The following ATP10B variants were observed in gnomAD, a reference collection of about 807,000 sequenced individuals.
ATP10B encodes the protein phospholipid-transporting ATPase VB.
Under a neutral mutation model 141.2 loss-of-function variants are expected in ATP10B, and 122 were observed. The ratio of observed to expected loss-of-function variants is 0.86; its 90% CI spans 0.75 to 1.00. The LOEUF is 1.00. Among genes scored for constraint, ATP10B ranks in the 50% least tolerant of loss-of-function variants. The pLI is 0.00. For missense variants in ATP10B, 1,876 were observed against 1,825.3 expected, an observed-to-expected ratio of 1.03 and a Z score of -0.51; for synonymous variants, 685 against 692.0, an observed-to-expected ratio of 0.99 and a Z score of 0.16.
the ATP10B span, among the ~76,000 whole-genome samples, chr5:160,876,583 T>C: frequency 2.0e-5 from 3 of 150,302 alleles, no homozygotes; most frequent in Non-Finnish European, 3.0e-5. Context: ...TTCAAAAAAT[T>C]AATGAATCCA....
At chr5:160,743,741 A>G (rs1581449794) in intron 2 of ATP10B, among the ~76,000 whole-genome samples, 2 of 152,220 alleles carry the variant, frequency 1.3e-5, no homozygotes, top group Admixed American at 6.5e-5. Flanking sequence ...TTATAAGACT[A>G]TAGCTAAATA....
At chr5:160,899,935 T>C in the ATP10B span, among the ~76,000 whole-genome samples, 2 of 152,250 alleles carry the variant, frequency 1.3e-5, no homozygotes, top group Non-Finnish European at 2.9e-5. Flanking sequence ...CTCCCTTCCC[T>C]GGTGGAGCAG....
At chr5:160,594,200 C>G (rs893127763) in intron 22 of ATP10B, among the ~76,000 whole-genome samples, 1 of 152,334 alleles carries the variant, frequency 6.6e-6, no homozygotes, top group East Asian at 1.9e-4. Flanking sequence ...TCAGCAGAAA[C>G]TCCACAAGCC....
In ATP10B at chr5:160,828,740, A is replaced by G. The variant is rs944147417; in HGVS notation, c.-576+23201T>C. On this transcript the variant is annotated intron_variant, in intron 1 of 25. Transcript: ENST00000327245. ...CCAAAGGACTATAAATCATGCTGCT[A>G]TAAAGACACATGCACACGTATGTTT... Among the ~76,000 whole-genome samples, 613 of 152,116 alleles carry G rather than the reference A, an allele frequency of 4.0e-3. 4 individuals are homozygous for G. Among genetic ancestry groups the G allele is most frequent in the African/African-American group, 0.014 (569 of 41,450 alleles).
chr5:160,864,882 G>A, the ATP10B span, among the ~76,000 whole-genome samples: 3 of 151,844 alleles, frequency 2.0e-5, no homozygotes, highest in Non-Finnish European at 2.9e-5. Context: ...GAGGTGAAAG[G>A]TTTCTGCAAG....
rs1240385774 is a variant in ATP10B, at chr5:160,634,413, TTC to T, written c.1320_1321del (p.Asn441GlnfsTer21). On this transcript the variant is annotated frameshift_variant, in exon 12 of 26. Transcript: ENST00000327245. LOFTEE classifies it high-confidence loss of function. ...GGTGCAACGTCGGAACACCATCTTG[TTC>T]TCTGTCAGGGTCCCCGTCTTATCGG... 6.2e-7 allele frequency: 1 copy of T among 1,614,086 alleles called. No individual in the cohort carries two copies.
chr5:160,620,301 A>T (rs779058935), intron 15 of ATP10B, 46 bp downstream of exon 15: 1 of 1,542,130 alleles, frequency 6.5e-7, no homozygotes, highest in Non-Finnish European at 8.7e-7. Flanking sequence ...TGCTTCTTAA[A>T]CTATAGAACT....
At chr5:160,730,547 T>G (rs1331115122) in intron 2 of ATP10B, among the ~76,000 whole-genome samples, 10 of 152,040 alleles carry the variant, frequency 6.6e-5, no homozygotes, top group Admixed American at 5.2e-4. Flanking sequence ...AATGAGATGC[T>G]GGGAAAAATC....
chr5:160,805,638 C>T (rs1043484180), intron 1 of ATP10B, among the ~76,000 whole-genome samples: 4 of 151,922 alleles, frequency 2.6e-5, no homozygotes, highest in Non-Finnish European at 5.9e-5. Flanking sequence ...TGCCAGGGCC[C>T]CAGGTACAGT....
chr5:160,792,945 T>C (rs933158426), intron 1 of ATP10B, among the ~76,000 whole-genome samples: 1 of 152,156 alleles, frequency 6.6e-6, no homozygotes, highest in Admixed American at 6.5e-5. Flanking sequence ...TCAGAGCACT[T>C]GATGGAGGTG....
intron 3 of ATP10B, among the ~76,000 whole-genome samples, chr5:160,703,322 T>C (rs1764783409): frequency 6.6e-6 from 1 of 152,214 alleles, no homozygotes; most frequent in South Asian, 2.1e-4. Flanking sequence ...CTATGTTTTA[T>C]ACTATACTGT....
At chr5:160,719,128 C>T (rs1167038096) in intron 2 of ATP10B, among the ~76,000 whole-genome samples, 5 of 152,148 alleles carry the variant, frequency 3.3e-5, no homozygotes, top group African/African-American at 1.2e-4. Flanking sequence ...CGGCCGGGCA[C>T]GGTGGCTCAC....
chr5:160,688,268 C>T (rs748289386), intron 4 of ATP10B, among the ~76,000 whole-genome samples, 174 bp from the exon 5 acceptor site: 1 of 152,070 alleles, frequency 6.6e-6, no homozygotes, highest in Non-Finnish European at 1.5e-5. Context: ...CCCTGTTGTT[C>T]CTAAAGATAG....
chr5:160,824,091 G>A (rs1047238100), intron 1 of ATP10B, among the ~76,000 whole-genome samples: 2 of 151,828 alleles, frequency 1.3e-5, no homozygotes, highest in South Asian at 2.1e-4. Flanking sequence ...ACGTGATCTC[G>A]GCTTACTGCA....
Position 160,611,224 on chromosome 5 carries a change from T to C in ATP10B, c.2838+1517A>G, listed in dbSNP as rs17058048. On this transcript the variant is annotated intron_variant, in intron 18 of 25. Coordinates refer to ENST00000327245, the MANE Select transcript of ATP10B (RefSeq NM_025153.3). ...GTCATTGACTGAATTAAAGGTGGAGTATGGCTGACTGTTCCTTAGGAGCTT... is the reference window on the plus strand; with the variant it reads ...GTCATTGACTGAATTAAAGGTGGAGCATGGCTGACTGTTCCTTAGGAGCTT... 7.4e-3 allele frequency among the ~76,000 whole-genome samples: 1,119 copies of C among 152,162 alleles called. 18 individuals are homozygous for C. Among genetic ancestry groups the C allele is most frequent in the African/African-American group, 0.024 (1,007 of 41,514 alleles).
At chr5:160,854,985 C>A (rs1407587241), upstream of ATP10B, among the ~76,000 whole-genome samples, 5 of 152,110 alleles carry the variant, frequency 3.3e-5, no homozygotes, top group Non-Finnish European at 7.4e-5. Context: ...GATTGTTTAA[C>A]CATTCACCTT....
At chr5:160,662,433 G>T (rs559833842) in intron 7 of ATP10B, among the ~76,000 whole-genome samples, 10 of 152,286 alleles carry the variant, frequency 6.6e-5, no homozygotes, top group Admixed American at 5.2e-4. Context: ...GCACGGTACT[G>T]GTACCAAAAC....
At chr5:160,680,196 G>GA (rs368021340) in intron 6 of ATP10B, among the ~76,000 whole-genome samples, 3,097 of 142,318 alleles carry the variant, frequency 0.022, 107 homozygotes, top group African/African-American at 0.072. Context: ...GCACAAAAAT[G>GA]AAAAAAAAAA....
intron 24 of ATP10B, among the ~76,000 whole-genome samples, chr5:160,573,210 TTC>T (rs1156544942): frequency 2.6e-5 from 4 of 152,224 alleles, no homozygotes; most frequent in Non-Finnish European, 5.9e-5. Context: ...GATTTGATCC[TTC>T]TCTCTTTCAT....
Sources: gnomAD v4.1 joint callset for allele counts (sites outside exome capture counted in the v4.1 genomes callset) on GRCh38, gnomAD v4.1.1 for gene constraint, MANE v1.5 for transcripts, NCBI Gene and HGNC (gene_info 2026-07-23, HGNC 2026-07-21) for gene names.